The following FLVCR2 variants were observed in gnomAD, a reference collection of about 807,000 sequenced individuals.
The protein encoded by FLVCR2 is choline/ethanolamine transporter FLVCR2.
In FLVCR2, 38 loss-of-function variants were observed where a neutral mutation model predicts 48.9. The observed-to-expected ratio is 0.78, with a 90% CI of 0.60 to 1.02. The LOEUF is 1.02. FLVCR2 is among the 50% of genes least tolerant of loss of function. The probability of loss-of-function intolerance (pLI) is 0.00; values close to 1 mark genes in which losing one functional copy is unlikely to be tolerated. For missense variants in FLVCR2, 664 were observed against 663.3 expected, an observed-to-expected ratio of 1.00 and a Z score of -0.01; for synonymous variants, 255 against 257.0, an observed-to-expected ratio of 0.99 and a Z score of 0.07.
chr14:75,633,396 T>C (rs926084246), intron 3 of FLVCR2, among the ~76,000 whole-genome samples: 1 of 152,138 alleles, frequency 6.6e-6, no homozygotes, highest in African/African-American at 2.4e-5. Context: ...CAGAGAGCAA[T>C]AGTGTGTGGC....
chr14:75,615,290 AT>A (rs1465466000), intron 1 of FLVCR2, among the ~76,000 whole-genome samples: 2 of 152,194 alleles, frequency 1.3e-5, no homozygotes, highest in Non-Finnish European at 2.9e-5. Flanking sequence ...CGAAGTGCAT[AT>A]AAGAGGGCAG....
intron 1 of FLVCR2, among the ~76,000 whole-genome samples, chr14:75,600,638 A>G (rs543349520): frequency 4.6e-5 from 7 of 152,338 alleles, no homozygotes; most frequent in African/African-American, 1.7e-4. Flanking sequence ...AGAAGGAAAC[A>G]GAGAAAATGC....
chr14:75,598,201 C>T (rs1441784063), intron 1 of FLVCR2, among the ~76,000 whole-genome samples: 2 of 152,062 alleles, frequency 1.3e-5, no homozygotes, highest in African/African-American at 4.8e-5. Flanking sequence ...GCAGTGGGAG[C>T]TTGGGCCACT....
intron 9 of FLVCR2, 100 bp from the exon 10 acceptor site, chr14:75,646,301 T>C: frequency 1.2e-6 from 1 of 810,546 alleles, no homozygotes; most frequent in Admixed American, 1.9e-5. Context: ...CCCCCGGCTC[T>C]TGTATTCCCC....
At chr14:75,580,661 G>A (rs2140000091) in intron 1 of FLVCR2, among the ~76,000 whole-genome samples, 1 of 149,084 alleles carries the variant, frequency 6.7e-6, no homozygotes, top group East Asian at 2.0e-4. Flanking sequence ...GGTGGAGTTA[G>A]GAGCAATGTT....
chr14:75,580,781 C>T (rs148916594), intron 1 of FLVCR2, among the ~76,000 whole-genome samples: 18 of 151,850 alleles, frequency 1.2e-4, no homozygotes, highest in Non-Finnish European at 2.5e-4. Context: ...TAGGGTGGGG[C>T]GAAACAAATC....
intron 3 of FLVCR2, among the ~76,000 whole-genome samples, chr14:75,627,861 T>G (rs1052732965): frequency 6.6e-6 from 1 of 152,224 alleles, no homozygotes; most frequent in Non-Finnish European, 1.5e-5. Flanking sequence ...AGAAAATGAT[T>G]CTTAGACTTA....
chr14:75,600,608 G>A (rs1317653507), intron 1 of FLVCR2, among the ~76,000 whole-genome samples: 2 of 151,998 alleles, frequency 1.3e-5, no homozygotes, highest in Non-Finnish European at 2.9e-5. Flanking sequence ...AAACATAAAA[G>A]CTAAAACCAT....
intron 1 of FLVCR2, among the ~76,000 whole-genome samples, chr14:75,609,682 G>T (rs919960047): frequency 3.3e-5 from 5 of 152,144 alleles, no homozygotes; most frequent in Admixed American, 2.6e-4. Context: ...TAAGTAATTG[G>T]CAGGGTTTTA....
chr14:75,635,815 G>T (rs565176103), intron 5 of FLVCR2, among the ~76,000 whole-genome samples: 1 of 152,100 alleles, frequency 6.6e-6, no homozygotes, highest in South Asian at 2.1e-4. Flanking sequence ...TGTGAACTGG[G>T]TTCACGCCAC....
chr14:75,584,790 A>G (rs1888702633), intron 1 of FLVCR2, among the ~76,000 whole-genome samples: 1 of 152,240 alleles, frequency 6.6e-6, no homozygotes, highest in Non-Finnish European at 1.5e-5. Flanking sequence ...AAGTCACTCC[A>G]GGTTAAATTA....
intron 1 of FLVCR2, among the ~76,000 whole-genome samples, chr14:75,582,993 T>G (rs1888649198): frequency 6.6e-6 from 1 of 152,100 alleles, no homozygotes; most frequent in African/African-American, 2.4e-5. Flanking sequence ...AAGACGAAGT[T>G]TGGGCTTGAC....
chr14:75,631,971 G>A (rs1594812160), intron 3 of FLVCR2: 1 of 411,088 alleles, frequency 2.4e-6, no homozygotes, highest in East Asian at 7.1e-5. Context: ...TCACTGTGCT[G>A]CTCACTGTGT....
chr14:75,621,964 T>G, intron 1 of FLVCR2, 115 bp from the exon 2 acceptor site: 1 of 1,051,598 alleles, frequency 9.5e-7, no homozygotes. Flanking sequence ...CCTGCATGGG[T>G]GTTAGGAAGG....
At chr14:75,615,795 G>A (rs559157807) in intron 1 of FLVCR2, among the ~76,000 whole-genome samples, 18 of 150,696 alleles carry the variant, frequency 1.2e-4, no homozygotes, top group African/African-American at 3.4e-4. Flanking sequence ...CGAGGCGGGC[G>A]GATCACAAGG....
At position 75,648,019 on chromosome 14, in the gene FLVCR2, T is replaced by C. The variant is rs1890458929; in HGVS notation, c.*1547T>C. 1 of 152,840 alleles carries C rather than the reference T, an allele frequency of 6.5e-6. No individual in the cohort carries two copies. The highest frequency in any genetic ancestry group is 6.5e-5 in the Admixed American group (1 of 15,286). The allele number at this position is 152,840 out of a possible 1,614,324, so 9.5% of individuals were successfully genotyped here. On this transcript the variant is annotated 3_prime_UTR_variant, in exon 10 of 10. Transcript: ENST00000238667. ...AAGAGAGGTGAGGGTGTGCTTTACT[T>C]TTTGATAAAGAGAAAGATGTTTACT... is the stretch of plus-strand genomic sequence containing the variant.
At chr14:75,592,063 T>C (rs922218265) in intron 1 of FLVCR2, among the ~76,000 whole-genome samples, 7 of 152,050 alleles carry the variant, frequency 4.6e-5, no homozygotes. Flanking sequence ...ACTCCTGAAC[T>C]CAAGTGATCC....
chr14:75,634,189 C>T (rs10134747), intron 4 of FLVCR2, among the ~76,000 whole-genome samples: 3,402 of 152,170 alleles, frequency 0.022, 125 homozygotes, highest in African/African-American at 0.078. Context: ...GTCAGGAATA[C>T]GGAGATGCAA....
chr14:75,632,584 G>A (rs750558146), intron 3 of FLVCR2: 93 of 701,430 alleles, frequency 1.3e-4, no homozygotes, highest in Admixed American at 1.8e-4. Context: ...AGTAGCTTCC[G>A]GAAGGCTATA....
Sources: gnomAD v4.1 joint callset for allele counts (sites outside exome capture counted in the v4.1 genomes callset) on GRCh38, gnomAD v4.1.1 for gene constraint, MANE v1.5 for transcripts, NCBI Gene and HGNC (gene_info 2026-07-23, HGNC 2026-07-21) for gene names.